Variants in KCND2 observed in about 807,000 individuals in gnomAD.
KCND2 encodes the protein potassium voltage-gated channel subfamily D member 2.
In KCND2, 16 loss-of-function variants were observed where a neutral mutation model predicts 54.4. The ratio of observed to expected loss-of-function variants is 0.29; its 90% confidence interval spans 0.20 to 0.45. The LOEUF is 0.45. Ranked by LOEUF, KCND2 falls within the 20% of genes least tolerant of loss-of-function variation. KCND2 has a pLI of 1.00. For missense variants in KCND2, 486 were observed against 824.2 expected, an observed-to-expected ratio of 0.59 and a Z score of 5.02; for synonymous variants, 317 against 310.7, an observed-to-expected ratio of 1.02 and a Z score of -0.21.
At chr7:120,472,562 T>TACACACACAC (rs10679656) in intron 1 of KCND2, among the ~76,000 whole-genome samples, 72 of 149,634 alleles carry the variant, frequency 4.8e-4, no homozygotes, top group African/African-American at 1.6e-3. Context: ...AGACTTTAAA[T>TACACACACAC]ACACACACAC....
intron 1 of KCND2, among the ~76,000 whole-genome samples, chr7:120,486,858 G>C (rs1802702236): frequency 6.6e-6 from 1 of 151,810 alleles, no homozygotes; most frequent in Admixed American, 6.6e-5. Flanking sequence ...AGGAATACTA[G>C]ATGTTAAAAA....
intron 1 of KCND2, among the ~76,000 whole-genome samples, chr7:120,514,947 C>T (rs148666695): frequency 2.3e-4 from 35 of 152,106 alleles, no homozygotes; most frequent in African/African-American, 8.4e-4. Context: ...TTGTGTAGTA[C>T]CGTAAATGAG....
chr7:120,362,790 C>T (rs1381607257), intron 1 of KCND2, among the ~76,000 whole-genome samples: 1 of 152,064 alleles, frequency 6.6e-6, no homozygotes, highest in African/African-American at 2.4e-5. Flanking sequence ...AGCATCCGTT[C>T]AACAATGAAA....
intron 1 of KCND2, among the ~76,000 whole-genome samples, chr7:120,425,087 T>G (rs1019045687): frequency 6.6e-6 from 1 of 152,254 alleles, no homozygotes; most frequent in South Asian, 2.1e-4. Context: ...CATGCATAAT[T>G]CGTTTACTTT....
rs1250763666 is a variant in KCND2, at chr7:120,273,385, C to G, written c.-1248C>G. Reference sequence around the variant, plus strand: ...GCCCGTGCCGGCCCCGGCCCCGGCCCCACCGCGCCAACGCCGCCCGCCCGG... The same window carrying G: ...GCCCGTGCCGGCCCCGGCCCCGGCCGCACCGCGCCAACGCCGCCCGCCCGG... On this transcript the variant is annotated 5_prime_UTR_variant, in exon 1 of 6. Coordinates refer to ENST00000331113, the MANE Select transcript of KCND2 (RefSeq NM_012281.3). Among the ~76,000 whole-genome samples, 6 of 147,980 alleles carry G rather than the reference C, an allele frequency of 4.1e-5. No homozygotes were observed. The highest frequency in any genetic ancestry group is 1.2e-4 in the African/African-American group (5 of 41,102).
In KCND2 at chr7:120,748,842, TG is replaced by T. The variant is rs1276598394; in HGVS notation, c.*987del. ...TTGTATTTCTATAGCACCTCTCTAT[TG>T]GGTTTATCATCATCAACAAGACTAC... On this transcript the variant is annotated 3_prime_UTR_variant, in exon 6 of 6. Transcript: ENST00000331113. 1 of 151,970 alleles carries T rather than the reference TG, an allele frequency of 6.6e-6. No individual in the cohort carries two copies. Among genetic ancestry groups the T allele is most frequent in the African/African-American group, 2.4e-5 (1 of 41,444 alleles). The allele number at this position is 151,970 out of a possible 1,614,324, so 9.4% of individuals were successfully genotyped here.
At chr7:120,579,641 TAAATA>T (rs1389892311) in intron 1 of KCND2, among the ~76,000 whole-genome samples, 222 of 120,098 alleles carry the variant, frequency 1.8e-3, no homozygotes, top group Non-Finnish European at 2.0e-3. Context: ...AATAAATAAA[TAAATA>T]AAATAAAATA....
chr7:120,747,591 T>C, intron 5 of KCND2, 90 bp from the exon 6 acceptor site: 1 of 856,290 alleles, frequency 1.2e-6, no homozygotes, highest in Admixed American at 2.1e-5. Context: ...TTAAAATATT[T>C]TTATAAGCAT....
At position 120,427,324 on chromosome 7, in the gene KCND2, G is replaced by C. The variant is rs574411160; in HGVS notation, c.1115+151577G>C. Among the ~76,000 whole-genome samples the C allele has an allele frequency of 3.9e-5, 6 of 152,234 alleles. No individual in the cohort carries two copies. The East Asian group carries it at 1.2e-3, about 29-fold the overall frequency. ...CTGCCATTGTTCAGTTACACCCTTTGTAAGCAGACCCTTGACAGTTTGCCC... is the reference window on the plus strand; with the variant it reads ...CTGCCATTGTTCAGTTACACCCTTTCTAAGCAGACCCTTGACAGTTTGCCC... On this transcript the variant is annotated intron_variant, in intron 1 of 5. Transcript: ENST00000331113.
intron 1 of KCND2, among the ~76,000 whole-genome samples, chr7:120,719,972 C>A (rs561990585): frequency 9.9e-5 from 15 of 152,120 alleles, no homozygotes; most frequent in Non-Finnish European, 1.8e-4. Context: ...CCATTTCATA[C>A]AAGTAGAACA....
intron 1 of KCND2, among the ~76,000 whole-genome samples, chr7:120,510,319 C>G (rs1444420605): frequency 6.6e-6 from 1 of 152,070 alleles, no homozygotes; most frequent in African/African-American, 2.4e-5. Context: ...AAGAAACTGA[C>G]TCCAGAATGT....
At chr7:120,524,085 AT>A (rs1791739980) in intron 1 of KCND2, among the ~76,000 whole-genome samples, 1 of 151,948 alleles carries the variant, frequency 6.6e-6, no homozygotes, top group Admixed American at 6.6e-5. Flanking sequence ...ATATACAAAA[AT>A]TAGTTGGGCG....
At chr7:120,490,179 G>A (rs940850942) in intron 1 of KCND2, among the ~76,000 whole-genome samples, 2 of 152,036 alleles carry the variant, frequency 1.3e-5, no homozygotes, top group African/African-American at 4.8e-5. Context: ...GTTAGTATCA[G>A]TAATTTGGAT....
intron 1 of KCND2, among the ~76,000 whole-genome samples, chr7:120,719,091 G>A (rs1441437267): frequency 6.6e-6 from 1 of 152,102 alleles, no homozygotes; most frequent in African/African-American, 2.4e-5. Context: ...AGAAGGGAGG[G>A]AGAAAGAAGA....
intron 1 of KCND2, among the ~76,000 whole-genome samples, chr7:120,586,052 C>T (rs1472227457): frequency 6.6e-6 from 1 of 152,092 alleles, no homozygotes; most frequent in Non-Finnish European, 1.5e-5. Context: ...CTACGGACTA[C>T]TTGACTTGAT....
chr7:120,515,165 A>G (rs1361706185), intron 1 of KCND2, among the ~76,000 whole-genome samples: 1 of 151,912 alleles, frequency 6.6e-6, no homozygotes. Flanking sequence ...TGACCTATTC[A>G]TCTTCCCTAT....
rs1016201611 is a variant in KCND2 at position 120,450,492 on chromosome 7, C to T, written c.1115+174745C>T. 1.3e-5 allele frequency among the ~76,000 whole-genome samples: 2 copies of T among 152,064 alleles called. 1 individual carries two copies. Among genetic ancestry groups the T allele is most frequent in the African/African-American group, 4.8e-5 (2 of 41,388 alleles). ...GGATGGGTTGGGAAAGGTGTAGCCT[C>T]AGGAAAACTAGCAGAGAAGGAGTAC... is the stretch of plus-strand genomic sequence containing the variant. On this transcript the variant is annotated intron_variant, in intron 1 of 5. Coordinates refer to ENST00000331113, the MANE Select transcript of KCND2 (RefSeq NM_012281.3).
At chr7:120,288,027 T>G (rs1444891099) in intron 1 of KCND2, among the ~76,000 whole-genome samples, 1 of 152,164 alleles carries the variant, frequency 6.6e-6, no homozygotes, top group Non-Finnish European at 1.5e-5. Context: ...CAATCATTAG[T>G]CAGTGTTTAG....
At chr7:120,319,050 A>G (rs1411905005) in intron 1 of KCND2, among the ~76,000 whole-genome samples, 1 of 152,048 alleles carries the variant, frequency 6.6e-6, no homozygotes, top group Non-Finnish European at 1.5e-5. Context: ...TTCACCTATT[A>G]CTTCTCACTC....
Sources: gnomAD v4.1 joint callset for allele counts (sites outside exome capture counted in the v4.1 genomes callset) on GRCh38, gnomAD v4.1.1 for gene constraint, MANE v1.5 for transcripts, NCBI Gene and HGNC (gene_info 2026-07-23, HGNC 2026-07-21) for gene names.